The following CEP112 variants were observed in gnomAD, a reference collection of about 807,000 sequenced individuals.
CEP112 encodes the protein centrosomal protein 112, also known as centrosomal protein of 112 kDa.
Under a neutral mutation model 153.0 loss-of-function variants are expected in CEP112, and 127 were observed. That is an observed-to-expected ratio of 0.83 (90% CI 0.72 to 0.96). CEP112 has a LOEUF of 0.96. CEP112 is among the 40% of genes least tolerant of loss of function. The pLI is 0.00. For synonymous variants in CEP112, 358 were observed against 374.4 expected, an observed-to-expected ratio of 0.96 and a Z score of 0.51; for missense variants, 1,089 against 1,101.2, an observed-to-expected ratio of 0.99 and a Z score of 0.16.
intron 20 of CEP112, among the ~76,000 whole-genome samples, chr17:65,883,889 T>C (rs1472422487): frequency 6.6e-6 from 1 of 152,144 alleles, no homozygotes; most frequent in Non-Finnish European, 1.5e-5. Flanking sequence ...ACTGAATCTA[T>C]AGAATTTACT....
rs560656864 is a variant in CEP112 at position 65,859,137 on chromosome 17, T to C, written c.2164-7103A>G. Among the ~76,000 whole-genome samples, 4 of 152,242 alleles carry C rather than the reference T, an allele frequency of 2.6e-5. No homozygotes were observed. The East Asian group carries it at 7.7e-4, about 29-fold the overall frequency. ...ATAACCTATAATATAGTTTACTCCA[T>C]CAATGCATTAAAAGAAAAAACATTG... On this transcript the variant is annotated intron_variant, in intron 20 of 26. Coordinates refer to ENST00000535342, the MANE Select transcript of CEP112 (RefSeq NM_001199165.4).
At chr17:66,060,218 C>T (rs1047110083) in intron 11 of CEP112, among the ~76,000 whole-genome samples, 2 of 152,088 alleles carry the variant, frequency 1.3e-5, no homozygotes, top group African/African-American at 4.8e-5. Flanking sequence ...ATTCATATCC[C>T]AAACCTCAAT....
intron 6 of CEP112, among the ~76,000 whole-genome samples, chr17:66,099,865 T>C (rs2068496074): frequency 6.6e-6 from 1 of 152,142 alleles, no homozygotes; most frequent in Non-Finnish European, 1.5e-5. Context: ...CCCACTCTCA[T>C]ACACCAGGGT....
At chr17:65,973,057 C>G (rs181815304) in intron 17 of CEP112, among the ~76,000 whole-genome samples, 2 of 152,342 alleles carry the variant, frequency 1.3e-5, no homozygotes, top group African/African-American at 4.8e-5. Context: ...TAAGCCACTG[C>G]TCCCAGCCTG....
intron 6 of CEP112, among the ~76,000 whole-genome samples, chr17:66,099,321 T>C (rs998531669): frequency 1.3e-5 from 2 of 152,012 alleles, no homozygotes; most frequent in African/African-American, 4.8e-5. Flanking sequence ...CTGGCCAACA[T>C]GGTGAAACCC....
intron 21 of CEP112, among the ~76,000 whole-genome samples, chr17:65,803,507 CA>C (rs2055403974): frequency 6.6e-6 from 1 of 152,152 alleles, no homozygotes; most frequent in African/African-American, 2.4e-5. Flanking sequence ...CAAAAAGTTT[CA>C]AGATGTAATT....
intron 23 of CEP112, among the ~76,000 whole-genome samples, chr17:65,741,744 G>A (rs1478377410): frequency 6.6e-6 from 1 of 151,674 alleles, no homozygotes; most frequent in Non-Finnish European, 1.5e-5. Flanking sequence ...TGGACATAAA[G>A]TGAAACAGAA....
chr17:65,759,221 T>C (rs555195111), intron 21 of CEP112, among the ~76,000 whole-genome samples: 7 of 152,212 alleles, frequency 4.6e-5, no homozygotes, highest in Non-Finnish European at 1.0e-4. Context: ...GTTTAGCATG[T>C]AATCAAGAAA....
At chr17:65,684,092 G>A (rs753636784) in intron 24 of CEP112, among the ~76,000 whole-genome samples, 3 of 151,946 alleles carry the variant, frequency 2.0e-5, no homozygotes, top group Non-Finnish European at 2.9e-5. Context: ...CACACCTGGG[G>A]TCTACATTTT....
intron 8 of CEP112, among the ~76,000 whole-genome samples, chr17:66,085,167 C>A (rs957457996): frequency 1.3e-5 from 2 of 152,036 alleles, no homozygotes; most frequent in Admixed American, 1.3e-4. Context: ...ATAGACATAA[C>A]CCTTCTTAAG....
At chr17:65,821,223 T>C (rs2056517970) in intron 21 of CEP112, among the ~76,000 whole-genome samples, 1 of 151,768 alleles carries the variant, frequency 6.6e-6, no homozygotes, top group Non-Finnish European at 1.5e-5. Context: ...AATTGATTAG[T>C]GTACTCTAAA....
At chr17:65,971,359 A>G (rs1343087818) in intron 17 of CEP112, among the ~76,000 whole-genome samples, 2 of 148,992 alleles carry the variant, frequency 1.3e-5, no homozygotes, top group East Asian at 2.0e-4. Context: ...TCAGGAACAC[A>G]TGTATATCGC....
chr17:66,178,911 ATAAAC>A (rs1448458224), intron 2 of CEP112, among the ~76,000 whole-genome samples: 4 of 152,134 alleles, frequency 2.6e-5, no homozygotes, highest in African/African-American at 9.7e-5. Context: ...AGTGAAACTG[ATAAAC>A]TTAAGTAAAT....
At chr17:65,853,401 A>G (rs1438235055) in intron 20 of CEP112, among the ~76,000 whole-genome samples, 3 of 152,170 alleles carry the variant, frequency 2.0e-5, no homozygotes, top group African/African-American at 7.2e-5. Flanking sequence ...ACCTTAATCC[A>G]GCATCACCTA....
At chr17:66,076,034 A>G (rs2067480861) in intron 8 of CEP112, among the ~76,000 whole-genome samples, 1 of 152,154 alleles carries the variant, frequency 6.6e-6, no homozygotes, top group Non-Finnish European at 1.5e-5. Context: ...GGGTAGAGGA[A>G]GTAGTAGGAA....
At chr17:66,093,893 G>A (rs999075215) in intron 8 of CEP112, among the ~76,000 whole-genome samples, 1 of 151,940 alleles carries the variant, frequency 6.6e-6, no homozygotes, top group Admixed American at 6.6e-5. Flanking sequence ...ATGAACAAAG[G>A]TGAAGGCATC....
At chr17:65,986,729 A>G (rs2063422929) in intron 17 of CEP112, among the ~76,000 whole-genome samples, 1 of 152,140 alleles carries the variant, frequency 6.6e-6, no homozygotes, top group Non-Finnish European at 1.5e-5. Context: ...AAAAAGATAT[A>G]TCACTAGTAA....
In CEP112 at chr17:66,176,843, A is replaced by G. The variant is rs763229554; in HGVS notation, c.284T>C (p.Leu95Pro). ...HRPEPGTLKILPSYMSIYFDE... is the reference protein window; with the variant it reads ...HRPEPGTLKIPPSYMSIYFDE... ...ATTGATACCTACCATGTATGAAGGT[A>G]GAATTTTTAGTGTCCCGGGTTCAGG... Residue 95 changes from leucine to proline, a missense_variant, in exon 3 of 27, where the codon CTA becomes CCA. Transcript: ENST00000535342. 6.2e-7 allele frequency: 1 copy of G among 1,607,428 alleles called. No individual in the cohort carries two copies. Among genetic ancestry groups the G allele is most frequent in the Non-Finnish European group, 8.5e-7 (1 of 1,177,914 alleles).
chr17:65,920,362 AATATATATATATAT>A (rs55934550), intron 19 of CEP112, among the ~76,000 whole-genome samples: 1,410 of 42,790 alleles, frequency 0.033, 184 homozygotes, highest in Admixed American at 0.2. Context: ...AAACAAACAA[AATATATATATATAT>A]ATATATATAT....
Sources: gnomAD v4.1 joint callset for allele counts (sites outside exome capture counted in the v4.1 genomes callset) on GRCh38, gnomAD v4.1.1 for gene constraint, MANE v1.5 for transcripts, NCBI Gene and HGNC (gene_info 2026-07-23, HGNC 2026-07-21) for gene names.